HIBADH: variants seen among roughly 807,000 people sequenced by gnomAD.
The protein encoded by HIBADH is 3-hydroxyisobutyrate dehydrogenase, mitochondrial.
In HIBADH, 25 loss-of-function variants were observed where a neutral mutation model predicts 36.1. The observed-to-expected ratio is 0.69, with a 90% CI of 0.50 to 0.97. The LOEUF (loss-of-function observed/expected upper bound fraction) is 0.97, where lower values mean the gene tolerates loss of function less well. HIBADH is among the 50% of genes least tolerant of loss of function. The pLI, the probability that HIBADH is intolerant of heterozygous loss-of-function variation, is 0.00. For missense variants in HIBADH, 421 were observed against 418.0 expected, an observed-to-expected ratio of 1.01 and a Z score of -0.06; for synonymous variants, 160 against 149.5, an observed-to-expected ratio of 1.07 and a Z score of -0.51.
chr7:27,620,492 A>C (rs1008417495), intron 4 of HIBADH, among the ~76,000 whole-genome samples: 1 of 151,990 alleles, frequency 6.6e-6, no homozygotes, highest in Non-Finnish European at 1.5e-5. Context: ...ACAACAACAA[A>C]AACAAACCAA....
At chr7:27,646,367 T>C (rs1786071268) in intron 2 of HIBADH, among the ~76,000 whole-genome samples, 1 of 152,170 alleles carries the variant, frequency 6.6e-6, no homozygotes, top group Non-Finnish European at 1.5e-5. Flanking sequence ...AACTCCGAAG[T>C]CAAAGACCTT....
intron 4 of HIBADH, among the ~76,000 whole-genome samples, chr7:27,605,773 G>T (rs1785214462): frequency 6.6e-6 from 1 of 151,922 alleles, no homozygotes; most frequent in African/African-American, 2.4e-5. Context: ...CTTGATATCA[G>T]ATGTAGTTTT....
chr7:27,550,087 T>C (rs1161130221), intron 4 of HIBADH, among the ~76,000 whole-genome samples: 2 of 152,020 alleles, frequency 1.3e-5, no homozygotes, highest in African/African-American at 4.8e-5. Flanking sequence ...TTTTTTGTAT[T>C]TTTAGTAGAG....
chr7:27,529,893 C>T (rs376177807), intron 7 of HIBADH, among the ~76,000 whole-genome samples: 3 of 152,184 alleles, frequency 2.0e-5, no homozygotes, highest in Non-Finnish European at 4.4e-5. Flanking sequence ...CTTCAGCAAC[C>T]GCCACCCTGG....
chr7:27,642,777 A>C (rs1003263961), intron 2 of HIBADH, among the ~76,000 whole-genome samples: 1 of 147,894 alleles, frequency 6.8e-6, no homozygotes, highest in Admixed American at 6.9e-5. Context: ...TCAGCCTCCC[A>C]AGTAGCTGGG....
At chr7:27,643,387 C>A in intron 2 of HIBADH, among the ~76,000 whole-genome samples, 1 of 152,226 alleles carries the variant, frequency 6.6e-6, no homozygotes, top group East Asian at 1.9e-4. Flanking sequence ...CTAAGGCACA[C>A]AGAAACTAAT....
chr7:27,537,739 A>G (rs999222061), intron 6 of HIBADH, among the ~76,000 whole-genome samples: 3 of 152,212 alleles, frequency 2.0e-5, no homozygotes, highest in African/African-American at 7.2e-5. Flanking sequence ...CACTTTAAGC[A>G]AAGTATGCCA....
At chr7:27,622,745 G>C (rs1785568233) in intron 4 of HIBADH, among the ~76,000 whole-genome samples, 1 of 152,064 alleles carries the variant, frequency 6.6e-6, no homozygotes. Context: ...TAGAAAACCT[G>C]AACTGACATT....
At chr7:27,657,583 T>G (rs1007638054) in intron 1 of HIBADH, among the ~76,000 whole-genome samples, 1 of 152,072 alleles carries the variant, frequency 6.6e-6, no homozygotes, top group Non-Finnish European at 1.5e-5. Flanking sequence ...TGAGGCCATG[T>G]TGGATGGGCC....
At chr7:27,543,283 T>A (rs954948405) in intron 4 of HIBADH, among the ~76,000 whole-genome samples, 183 bp from the exon 5 acceptor site, 2 of 152,176 alleles carry the variant, frequency 1.3e-5, no homozygotes, top group African/African-American at 4.8e-5. Flanking sequence ...TCACCCAGAT[T>A]AATCACAAAC....
Position 27,620,950 on chromosome 7 carries a change from TA to T in HIBADH, c.484+8420del, listed in dbSNP as rs542169673. On this transcript the variant is annotated intron_variant, in intron 4 of 7. Coordinates refer to ENST00000265395, the MANE Select transcript of HIBADH (RefSeq NM_152740.4). ...AAGATACATAAAGGTTGAATGGATTTAAAAAAAAAAACAATCCAACTGCTTA... is the reference window on the plus strand; with the variant it reads ...AAGATACATAAAGGTTGAATGGATTTAAAAAAAAAACAATCCAACTGCTTA... 1.9e-3 allele frequency among the ~76,000 whole-genome samples: 273 copies of T among 145,818 alleles called. 1 individual carries two copies. Among genetic ancestry groups the T allele is most frequent in the African/African-American group, 5.4e-3 (214 of 39,970 alleles).
intron 4 of HIBADH, among the ~76,000 whole-genome samples, chr7:27,586,628 G>GAAGGGT (rs1784868389): frequency 6.6e-6 from 1 of 151,908 alleles, no homozygotes; most frequent in Non-Finnish European, 1.5e-5. Context: ...AGGGGAAGGG[G>GAAGGGT]AAGGGGAGAG....
intron 4 of HIBADH, among the ~76,000 whole-genome samples, chr7:27,566,657 C>G (rs1784552946): frequency 6.6e-6 from 1 of 151,854 alleles, no homozygotes; most frequent in African/African-American, 2.4e-5. Context: ...TATGAGACTC[C>G]TTTTCTAATA....
intron 4 of HIBADH, among the ~76,000 whole-genome samples, chr7:27,576,662 T>C (rs113829998): frequency 2.6e-5 from 4 of 152,242 alleles, no homozygotes; most frequent in Non-Finnish European, 5.9e-5. Flanking sequence ...CTTTTCATTA[T>C]AAAGGGAAAT....
chr7:27,615,486 A>G (rs1186750169), intron 4 of HIBADH, among the ~76,000 whole-genome samples: 1 of 152,168 alleles, frequency 6.6e-6, no homozygotes, highest in Non-Finnish European at 1.5e-5. Flanking sequence ...TAGACATACT[A>G]CCGCCATGCA....
intron 5 of HIBADH, among the ~76,000 whole-genome samples, chr7:27,540,070 C>G (rs537323270): frequency 6.6e-6 from 1 of 151,782 alleles, no homozygotes; most frequent in African/African-American, 2.4e-5. Context: ...AGGCACACTC[C>G]GGATAACTTT....
At chr7:27,541,132 CTT>C (rs60000681) in intron 5 of HIBADH, among the ~76,000 whole-genome samples, 38,257 of 144,092 alleles carry the variant, frequency 0.27, 5,426 homozygotes, top group Middle Eastern at 0.36. Flanking sequence ...TTCGAGCATC[CTT>C]TTTTTTTTTT....
In HIBADH at chr7:27,648,903, T is replaced by TAGGG. The variant is rs1786125049; in HGVS notation, c.252+569_252+570insCCCT. Among the ~76,000 whole-genome samples the TAGGG allele has an allele frequency of 2.6e-5, 4 of 152,228 alleles. No individual in the cohort carries two copies. In the South Asian group the frequency reaches 8.3e-4, roughly 31 times the overall value. Reference sequence around the variant, plus strand: ...GTTTATGGCCAATAACTAATAATTATTCACAAAGTGCTGCCATATGATGTT... The same window carrying TAGGG: ...GTTTATGGCCAATAACTAATAATTATAGGGTCACAAAGTGCTGCCATATGATGTT... On this transcript the variant is annotated intron_variant, in intron 2 of 7. Transcript: ENST00000265395.
chr7:27,542,973 A>G lies in HIBADH; in HGVS notation c.612T>C (p.Thr204=), dbSNP rs1435997471. ...SNVVYCGAVG[T]GQAAKICNNM... Reference sequence around the variant, plus strand: ...ATTAATGTAAAAATCTTACCTGCCCAGTCCCAACAGCTCCACAGTACACCA... The same window carrying G: ...ATTAATGTAAAAATCTTACCTGCCCGGTCCCAACAGCTCCACAGTACACCA... Residue 204 remains threonine (T), a synonymous_variant, in exon 5 of 8, where the codon ACT becomes ACC. Coordinates refer to ENST00000265395, the MANE Select transcript of HIBADH (RefSeq NM_152740.4). 6.2e-7 allele frequency: 1 copy of G among 1,613,368 alleles called. No individual in the cohort carries two copies. Among genetic ancestry groups the G allele is most frequent in the Non-Finnish European group, 8.5e-7 (1 of 1,179,704 alleles).
Sources: allele counts gnomAD v4.1 joint callset (sites outside exome capture counted in the v4.1 genomes callset), GRCh38; gene constraint gnomAD v4.1.1; transcripts MANE v1.5; gene names NCBI Gene and HGNC (gene_info 2026-07-23, HGNC 2026-07-21).